ADGRL2: variants seen among roughly 807,000 people sequenced by gnomAD.
ADGRL2 encodes the protein calcium-independent alpha-latrotoxin receptor 2.
A neutral mutation model predicts 157.4 loss-of-function variants in ADGRL2; 44 were observed. The observed-to-expected ratio is 0.28, with a 90% CI of 0.22 to 0.36. The LOEUF (loss-of-function observed/expected upper bound fraction) is 0.36, where lower values mean the gene tolerates loss of function less well. ADGRL2 is among the 10% of genes least tolerant of loss of function. The probability of loss-of-function intolerance (pLI) is 1.00; values close to 1 mark genes in which losing one functional copy is unlikely to be tolerated. For missense variants in ADGRL2, 1,510 were observed against 1,768.9 expected (o/e 0.85, Z 2.63); for synonymous variants, 585 against 624.7 (o/e 0.94, Z 0.95).
At chr1:81,616,600 C>T (rs1281012532) in intron 3 of ADGRL2, among the ~76,000 whole-genome samples, 1 of 151,424 alleles carries the variant, frequency 6.6e-6, no homozygotes, top group East Asian at 1.9e-4. Flanking sequence ...CTCTCACTTT[C>T]CATCTGAGGC....
chr1:81,766,860 AAAG>A (rs1342970983), intron 2 of ADGRL2, among the ~76,000 whole-genome samples: 79 of 151,298 alleles, frequency 5.2e-4, no homozygotes, highest in African/African-American at 1.8e-3. Context: ...AAAAAAAAAA[AAAG>A]AAAAAGAAAT....
intron 1 of ADGRL2, among the ~76,000 whole-genome samples, chr1:81,338,610 TA>T (rs1357013362): frequency 1.3e-5 from 2 of 152,332 alleles, no homozygotes; most frequent in East Asian, 3.9e-4. Context: ...TACTTTGTGC[TA>T]ACTTTATCAT....
chr1:81,422,006 T>C (rs2077134054), intron 1 of ADGRL2, among the ~76,000 whole-genome samples: 1 of 152,186 alleles, frequency 6.6e-6, no homozygotes, highest in Admixed American at 6.5e-5. Context: ...ACTTACAGAC[T>C]TATTTTATTC....
At chr1:81,687,038 A>G (rs2083242086) in intron 3 of ADGRL2, among the ~76,000 whole-genome samples, 1 of 152,116 alleles carries the variant, frequency 6.6e-6, no homozygotes, top group African/African-American at 2.4e-5. Context: ...ATTGAGGCTC[A>G]TTTTATGGCC....
intron 1 of ADGRL2, among the ~76,000 whole-genome samples, chr1:81,441,683 A>C (rs1387727419): frequency 6.6e-6 from 1 of 152,074 alleles, no homozygotes; most frequent in Non-Finnish European, 1.5e-5. Context: ...GATTACAGGC[A>C]TGTGCCACCA....
chr1:81,310,871 A>C (rs1570584973), intron 1 of ADGRL2, among the ~76,000 whole-genome samples: 1 of 148,154 alleles, frequency 6.7e-6, no homozygotes, highest in South Asian at 2.1e-4. Flanking sequence ...AAAAGGGAGG[A>C]GTGGTGAGAA....
At position 81,501,931 on chromosome 1, in the gene ADGRL2, G is replaced by A. The variant is rs995200309; in HGVS notation, c.-248+56842G>A. ...ATGCCCAAAAGCTGGTCACGCAGCCGACTCTCTTTTCCGCCACAGCTGGGA... is the reference window on the plus strand; with the variant it reads ...ATGCCCAAAAGCTGGTCACGCAGCCAACTCTCTTTTCCGCCACAGCTGGGA... On this transcript the variant is annotated intron_variant, in intron 2 of 24. Transcript: ENST00000370721. 39 of 1,613,786 alleles carry A rather than the reference G, an allele frequency of 2.4e-5. No individual in the cohort carries two copies. In the African/African-American group the frequency reaches 4.1e-4, roughly 17 times the overall value.
chr1:81,882,199 T>C (rs189607434), intron 2 of ADGRL2, among the ~76,000 whole-genome samples: 1 of 151,882 alleles, frequency 6.6e-6, no homozygotes, highest in Admixed American at 6.6e-5. Context: ...TACAGATGTG[T>C]TTTTTTTCCC....
intron 1 of ADGRL2, among the ~76,000 whole-genome samples, chr1:81,386,326 C>T (rs2076434456): frequency 6.6e-6 from 1 of 152,098 alleles, no homozygotes; most frequent in Non-Finnish European, 1.5e-5. Flanking sequence ...ACCAGCATTC[C>T]TTGGTGTGTG....
chr1:81,787,509 G>T (rs1007845042), intron 2 of ADGRL2, among the ~76,000 whole-genome samples: 1 of 152,038 alleles, frequency 6.6e-6, no homozygotes, highest in Non-Finnish European at 1.5e-5. Flanking sequence ...ACAAAAATTA[G>T]CCGGGTGTGG....
At chr1:81,885,176 C>G (rs1440619054) in intron 2 of ADGRL2, among the ~76,000 whole-genome samples, 1 of 152,068 alleles carries the variant, frequency 6.6e-6, no homozygotes, top group African/African-American at 2.4e-5. Context: ...CTGTTTTTAG[C>G]TGGTATCATC....
At chr1:81,806,222 T>C (rs1032610691) in intron 1 of ADGRL2, among the ~76,000 whole-genome samples, 1 of 152,078 alleles carries the variant, frequency 6.6e-6, no homozygotes, top group African/African-American at 2.4e-5. Context: ...GTCTGCTTTA[T>C]TAATGGACTA....
intron 1 of ADGRL2, among the ~76,000 whole-genome samples, chr1:81,352,637 A>G (rs1008843134): frequency 1.6e-4 from 25 of 152,168 alleles, no homozygotes; most frequent in African/African-American, 5.1e-4. Flanking sequence ...TGGCCTTCCT[A>G]TCAACTTAAG....
intron 1 of ADGRL2, among the ~76,000 whole-genome samples, chr1:81,727,508 C>T (rs1374589879): frequency 6.6e-6 from 1 of 152,050 alleles, no homozygotes; most frequent in Non-Finnish European, 1.5e-5. Context: ...TCTCAGCTCA[C>T]CCTAACCTCT....
chr1:81,325,492 C>G (rs952455623), intron 1 of ADGRL2, among the ~76,000 whole-genome samples: 1 of 152,192 alleles, frequency 6.6e-6, no homozygotes, highest in Non-Finnish European at 1.5e-5. Context: ...TTGATTGCTA[C>G]TGGGCAAGTC....
chr1:81,425,705 C>A (rs1557679902), intron 1 of ADGRL2, among the ~76,000 whole-genome samples: 3 of 152,094 alleles, frequency 2.0e-5, no homozygotes. Context: ...TTTTTGCCGG[C>A]TTTTGTCAAT....
At chr1:81,413,172 A>G (rs1229705092) in intron 1 of ADGRL2, among the ~76,000 whole-genome samples, 1 of 152,172 alleles carries the variant, frequency 6.6e-6, no homozygotes, top group Non-Finnish European at 1.5e-5. Flanking sequence ...CCGTTTGCCT[A>G]TCAGGCGCTA....
intron 1 of ADGRL2, among the ~76,000 whole-genome samples, chr1:81,725,199 G>C (rs1321488477): frequency 2.1e-4 from 23 of 109,228 alleles, no homozygotes; most frequent in African/African-American, 7.3e-4. Context: ...GTGAGACCCC[G>C]TCTCAAAAAA....
upstream of ADGRL2, among the ~76,000 whole-genome samples, chr1:81,800,690 T>G (rs554454120): frequency 1.4e-4 from 21 of 151,822 alleles, no homozygotes; most frequent in African/African-American, 5.1e-4. Flanking sequence ...AAAATAAATG[T>G]TTTTAAAGTG....
Sources: allele counts gnomAD v4.1 joint callset (sites outside exome capture counted in the v4.1 genomes callset), GRCh38; gene constraint gnomAD v4.1.1; transcripts MANE v1.5; gene names NCBI Gene and HGNC (gene_info 2026-07-23, HGNC 2026-07-21).